PPM1E: variants seen among roughly 807,000 people sequenced by gnomAD.
PPM1E encodes the protein protein phosphatase, Mg2+/Mn2+ dependent 1E.
Under a neutral mutation model 65.9 loss-of-function variants are expected in PPM1E, and 20 were observed. The ratio of observed to expected loss-of-function variants is 0.30; its 90% CI spans 0.21 to 0.44. The LOEUF (loss-of-function observed/expected upper bound fraction) is 0.44, where lower values mean the gene tolerates loss of function less well. PPM1E is among the 20% of genes least tolerant of loss of function. The probability of loss-of-function intolerance (pLI) is 1.00; values close to 1 mark genes in which losing one functional copy is unlikely to be tolerated. For synonymous variants in PPM1E, 352 were observed against 374.9 expected (o/e 0.94, Z 0.70); for missense variants, 713 against 953.1 (o/e 0.75, Z 3.32).
At chr17:58,771,860 C>G (rs2049942546) in intron 1 of PPM1E, among the ~76,000 whole-genome samples, 1 of 152,058 alleles carries the variant, frequency 6.6e-6, no homozygotes, top group Non-Finnish European at 1.5e-5. Flanking sequence ...GCTACTTATT[C>G]AGAGATAAAC....
chr17:58,934,968 C>T (rs2051958451), intron 1 of PPM1E, among the ~76,000 whole-genome samples: 1 of 149,518 alleles, frequency 6.7e-6, no homozygotes, highest in South Asian at 2.1e-4. Context: ...AATGGCTAGA[C>T]TGGGCCGGGC....
At chr17:58,896,047 G>A (rs1219468276) in intron 1 of PPM1E, among the ~76,000 whole-genome samples, 17 of 146,336 alleles carry the variant, frequency 1.2e-4, no homozygotes, top group Admixed American at 1.4e-4. Flanking sequence ...CCTGGGAGGC[G>A]GAGCTTGCAG....
intron 1 of PPM1E, among the ~76,000 whole-genome samples, chr17:58,765,374 C>T (rs2049863874): frequency 6.6e-6 from 1 of 151,848 alleles, no homozygotes. Flanking sequence ...GACGTAGTTT[C>T]ACCATGTTGG....
At chr17:58,871,183 C>T (rs1272099774) in intron 1 of PPM1E, among the ~76,000 whole-genome samples, 1 of 152,078 alleles carries the variant, frequency 6.6e-6, no homozygotes, top group East Asian at 1.9e-4. Flanking sequence ...ACTACAGGTG[C>T]ACACCACCAC....
intron 2 of PPM1E, among the ~76,000 whole-genome samples, chr17:58,962,736 CTT>C (rs1470345520): frequency 6.6e-6 from 1 of 152,104 alleles, no homozygotes; most frequent in African/African-American, 2.4e-5. Flanking sequence ...TGTCTTTGCT[CTT>C]TGTCTTTTCT....
At position 58,906,918 on chromosome 17, in the gene PPM1E, T is replaced by C. The variant is rs192852088; in HGVS notation, c.465-48731T>C. Among the ~76,000 whole-genome samples, 722 of 152,332 alleles carry C rather than the reference T, an allele frequency of 4.7e-3. 4 individuals carry two copies. The highest frequency in any genetic ancestry group is 7.3e-3 in the Non-Finnish European group (500 of 68,038). On this transcript the variant is annotated intron_variant, in intron 1 of 6. Transcript: ENST00000308249. ...ATATTTTAAATTTCTCTTGAAAATT[T>C]TTCTTTGATTCATGTGTTATTTAGA...
At chr17:58,775,159 T>C (rs980038719) in intron 1 of PPM1E, among the ~76,000 whole-genome samples, 1 of 152,178 alleles carries the variant, frequency 6.6e-6, no homozygotes, top group Non-Finnish European at 1.5e-5. Flanking sequence ...AAACCTAAGC[T>C]GTATTTATAA....
At chr17:58,804,592 T>C (rs536510183) in intron 1 of PPM1E, among the ~76,000 whole-genome samples, 8 of 152,304 alleles carry the variant, frequency 5.3e-5, no homozygotes, top group African/African-American at 1.9e-4. Flanking sequence ...TTCATTATTA[T>C]AATAAATGTT....
At position 58,879,368 on chromosome 17, in the gene PPM1E, A is replaced by G. The variant is rs117449023; in HGVS notation, c.465-76281A>G. 5.2e-4 allele frequency among the ~76,000 whole-genome samples: 79 copies of G among 150,836 alleles called. 3 individuals are homozygous for G. In the East Asian group the frequency reaches 0.014, roughly 27 times the overall value. On this transcript the variant is annotated intron_variant, in intron 1 of 6. Transcript: ENST00000308249. ...TTGATCAAACTCCTGGACTCAAGCA[A>G]TCCTGCTACCTCAGCTTCTACGGGT...
At chr17:58,829,541 A>G (rs1015648997) in intron 1 of PPM1E, among the ~76,000 whole-genome samples, 11 of 152,090 alleles carry the variant, frequency 7.2e-5, no homozygotes, top group Non-Finnish European at 1.6e-4. Flanking sequence ...GGAACTTTGC[A>G]TCTGCCTGTT....
intron 1 of PPM1E, among the ~76,000 whole-genome samples, chr17:58,943,010 A>G (rs1265904586): frequency 1.3e-5 from 2 of 152,010 alleles, no homozygotes; most frequent in Non-Finnish European, 2.9e-5. Flanking sequence ...AAAACAGAGT[A>G]ACACTCTGTC....
chr17:58,775,920 CAAAAAAAAAAA>C (rs1158158641), intron 1 of PPM1E, among the ~76,000 whole-genome samples: 70 of 52,504 alleles, frequency 1.3e-3, no homozygotes, highest in Non-Finnish European at 1.6e-3. Context: ...GACTCCGTCT[CAAAAAAAAAAA>C]AAAAAAAAAA....
Position 58,947,186 on chromosome 17 carries a change from C to T in PPM1E, c.465-8463C>T, listed in dbSNP as rs562106782. Among the ~76,000 whole-genome samples, 108 of 120,438 alleles carry T rather than the reference C, an allele frequency of 9.0e-4. 1 individual carries two copies. The highest frequency in any genetic ancestry group is 3.3e-3 in the African/African-American group (104 of 31,440). 79.0% of individuals were successfully genotyped at this position (120,438 alleles called of 152,430 possible). ...AGGCTTGAGTGTGATCTGCCCACCTCGGTCTCCCAAAGTGTTGGGATTACA... is the reference window on the plus strand; with the variant it reads ...AGGCTTGAGTGTGATCTGCCCACCTTGGTCTCCCAAAGTGTTGGGATTACA... On this transcript the variant is annotated intron_variant, in intron 1 of 6. Coordinates refer to ENST00000308249, the MANE Select transcript of PPM1E (RefSeq NM_014906.5).
chr17:58,854,797 G>T (rs1029544697), intron 1 of PPM1E, among the ~76,000 whole-genome samples: 3 of 152,058 alleles, frequency 2.0e-5, no homozygotes, highest in Admixed American at 2.0e-4. Context: ...GCTGAATTCT[G>T]TTTCTAGTAT....
rs200913418 is a variant in PPM1E at position 58,902,445 on chromosome 17, AC to A, written c.465-53202del. ...GGATTTAGGATGCTGGGGATCCCTCACCATTTTTTTAAAAAATAAAATACAC... is the reference window on the plus strand; with the variant it reads ...GGATTTAGGATGCTGGGGATCCCTCACATTTTTTTAAAAAATAAAATACAC... On this transcript the variant is annotated intron_variant, in intron 1 of 6. Transcript: ENST00000308249. 2.8e-4 allele frequency among the ~76,000 whole-genome samples: 43 copies of A among 152,148 alleles called. No individual in the cohort carries two copies. In the East Asian group the frequency reaches 8.3e-3, roughly 29 times the overall value.
chr17:58,961,328 T>C (rs1197557271), intron 2 of PPM1E, among the ~76,000 whole-genome samples: 1 of 152,218 alleles, frequency 6.6e-6, no homozygotes, highest in Non-Finnish European at 1.5e-5. Flanking sequence ...TGCTAGGTAC[T>C]ATACTATGGC....
intron 1 of PPM1E, among the ~76,000 whole-genome samples, chr17:58,852,057 G>C (rs1312020204): frequency 6.6e-6 from 1 of 152,232 alleles, no homozygotes; most frequent in African/African-American, 2.4e-5. Context: ...ACGAGACTCT[G>C]TGGGTGTGGG....
chr17:58,824,855 G>T (rs151053676), intron 1 of PPM1E, among the ~76,000 whole-genome samples: 1,728 of 150,840 alleles, frequency 0.011, 15 homozygotes, highest in Middle Eastern at 0.041. Context: ...TGATCCGCCC[G>T]CCTCGGCCTC....
chr17:58,758,715 A>G (rs1326607661), intron 1 of PPM1E, among the ~76,000 whole-genome samples: 4 of 152,154 alleles, frequency 2.6e-5, no homozygotes, highest in Non-Finnish European at 5.9e-5. Flanking sequence ...GAAGTTGTTA[A>G]TGTATTTTTA....
Sources: allele counts gnomAD v4.1 joint callset (sites outside exome capture counted in the v4.1 genomes callset), GRCh38; gene constraint gnomAD v4.1.1; transcripts MANE v1.5; gene names NCBI Gene and HGNC (gene_info 2026-07-23, HGNC 2026-07-21).